GSTA1: variants seen among roughly 807,000 people sequenced by gnomAD.
The protein encoded by GSTA1 is glutathione S-transferase A1.
Under a neutral mutation model 21.5 loss-of-function variants are expected in GSTA1, and 23 were observed. The ratio of observed to expected loss-of-function variants is 1.07; its 90% CI spans 0.77 to 1.52. The LOEUF is 1.52. GSTA1 is among the 40% of genes most tolerant of loss of function. GSTA1 has a pLI of 0.00. For missense variants in GSTA1, 301 were observed against 264.2 expected (o/e 1.14, Z -0.96); for synonymous variants, 125 against 90.0 (o/e 1.39, Z -2.20).
At chr6:52,799,425 G>C in intron 1 of GSTA1, 128 bp from the exon 2 acceptor site, 1 of 626,922 alleles carries the variant, frequency 1.6e-6, no homozygotes, top group Non-Finnish European at 2.7e-6. Flanking sequence ...TGTTGGAGGA[G>C]TTCCTGGAAT....
At chr6:52,800,666 G>A (rs1480313931) in intron 1 of GSTA1, among the ~76,000 whole-genome samples, 1 of 152,282 alleles carries the variant, frequency 6.6e-6, no homozygotes, top group Admixed American at 6.5e-5. Flanking sequence ...ACCAGTGGCT[G>A]CAGGGACAGA....
At chr6:52,801,340 A>G (rs1367393732) in intron 1 of GSTA1, among the ~76,000 whole-genome samples, 1 of 152,210 alleles carries the variant, frequency 6.6e-6, no homozygotes, top group Non-Finnish European at 1.5e-5. Context: ...GTCATGAGAT[A>G]TTTTGACATT....
intron 2 of GSTA1, among the ~76,000 whole-genome samples, chr6:52,798,023 G>A (rs1763630239): frequency 6.6e-6 from 1 of 152,152 alleles, no homozygotes; most frequent in South Asian, 2.1e-4. Flanking sequence ...CCCAGCATGA[G>A]GCATGCCATG....
intron 1 of GSTA1, among the ~76,000 whole-genome samples, chr6:52,803,301 C>A (rs1418755871): frequency 1.3e-5 from 2 of 152,128 alleles, no homozygotes; most frequent in East Asian, 3.8e-4. Context: ...TAATTAGTGG[C>A]AAAGGCTCAA....
At chr6:52,803,249 G>T (rs1334904516) in intron 1 of GSTA1, among the ~76,000 whole-genome samples, 4 of 152,122 alleles carry the variant, frequency 2.6e-5, no homozygotes, top group Non-Finnish European at 5.9e-5. Context: ...TTGGCCATGA[G>T]TTGGTAGAAC....
chr6:52,794,155 T>A lies in GSTA1; in HGVS notation c.384A>T (p.Ile128=), dbSNP rs1763520545. ...CAAAGGCAGGGAAGTAGCGATTTTT[T>A]ATTTTCTCTTTGATCAAGGCAAGCT... is the stretch of plus-strand genomic sequence containing the variant. ...DAKLALIKEK[I]KNRYFPAFEK... Residue 128 remains isoleucine, a synonymous_variant, in exon 5 of 7, where the codon ATA becomes ATT. Transcript: ENST00000334575. 1 of 1,613,994 alleles carries A rather than the reference T, an allele frequency of 6.2e-7. No individual in the cohort carries two copies. The highest frequency in any genetic ancestry group is 1.3e-5 in the African/African-American group (1 of 74,938).
In GSTA1 at chr6:52,794,149, A is replaced by T. The variant is rs770232932; in HGVS notation, c.390T>A (p.Asn130Lys). 1 of 1,613,928 alleles carries T rather than the reference A, an allele frequency of 6.2e-7. No individual in the cohort carries two copies. Among genetic ancestry groups the T allele is most frequent in the Non-Finnish European group, 8.5e-7 (1 of 1,179,892 alleles). ...KLALIKEKIK[N>K]RYFPAFEKVL... ...CTTTTTCAAAGGCAGGGAAGTAGCG[A>T]TTTTTTATTTTCTCTTTGATCAAGG... The change falls in exon 5 of 7, where the codon AAT (asparagine) becomes AAA (lysine). Residue 130 changes from asparagine (N) to lysine (K), a missense_variant. By Grantham distance (94) the Asn-to-Lys change is moderately conservative. Transcript: ENST00000334575.
chr6:52,802,570 A>G (rs1030769712), intron 1 of GSTA1, among the ~76,000 whole-genome samples: 1 of 152,170 alleles, frequency 6.6e-6, no homozygotes, highest in African/African-American at 2.4e-5. Context: ...TAGCCCATGG[A>G]TCCTCTTTCT....
At chr6:52,795,959 A>G (rs906285450) in intron 4 of GSTA1, among the ~76,000 whole-genome samples, 1 of 152,108 alleles carries the variant, frequency 6.6e-6, no homozygotes. Context: ...GAGGTGCTGG[A>G]TCCATGGACT....
At chr6:52,792,752 G>C (rs780668455) in intron 6 of GSTA1, 104 bp downstream of exon 6, 1 of 1,610,478 alleles carries the variant, frequency 6.2e-7, no homozygotes, top group Non-Finnish European at 8.5e-7. Context: ...GGCACTGAAG[G>C]CCTGGAGAAG....
At position 52,797,594 on chromosome 6, in the gene GSTA1, A is replaced by G; in HGVS notation, c.131T>C (p.Leu44Ser). Residue 44 changes from leucine to serine, a missense_variant, in exon 3 of 7, where the codon TTA becomes TCA. Physicochemically the swap from Leu to Ser is moderately radical, Grantham distance 145 (BLOSUM62 -2). Transcript: ENST00000334575. ...TTAGAGATTGATCTTACCATTTCTTAACTTGTCCAAATCTTCTGCAGATTT... is the reference window on the plus strand; with the variant it reads ...TTAGAGATTGATCTTACCATTTCTTGACTTGTCCAAATCTTCTGCAGATTT... ...FIKSAEDLDK[L>S]RNDGYLMFQQ... 1 of 1,607,386 alleles carries G rather than the reference A, an allele frequency of 6.2e-7. No individual in the cohort carries two copies. The highest frequency in any genetic ancestry group is 8.5e-7 in the Non-Finnish European group (1 of 1,174,242).
chr6:52,796,042 G>A (rs1763568234), intron 4 of GSTA1, 140 bp downstream of exon 4: 2 of 1,239,552 alleles, frequency 1.6e-6, no homozygotes. Flanking sequence ...ATGGGACTCT[G>A]CAATACTGGA....
In GSTA1 at chr6:52,792,649, G is replaced by C. The variant is rs146857219; in HGVS notation, c.546+207C>G. The C allele has an allele frequency of 1.6e-3, 2,099 of 1,297,758 alleles. 27 individuals carry two copies. The African/African-American group carries it at 0.028, about 17-fold the overall frequency. The allele number at this position is 1,297,758 out of a possible 1,614,324, so 80.4% of individuals were successfully genotyped here. Reference sequence around the variant, plus strand: ...CATAATAAAGGGCAAAATACTCTTTGTGGGGTAGCATGCAGCACAGATTTC... The same window carrying C: ...CATAATAAAGGGCAAAATACTCTTTCTGGGGTAGCATGCAGCACAGATTTC... On this transcript the variant is annotated intron_variant, in intron 6 of 6. Coordinates refer to ENST00000334575, the MANE Select transcript of GSTA1 (RefSeq NM_145740.5).
intron 2 of GSTA1, 133 bp downstream of exon 2, chr6:52,799,048 C>T (rs914005527): frequency 1.7e-5 from 14 of 828,518 alleles, no homozygotes; most frequent in African/African-American, 1.6e-4. Context: ...ATCTGTTCAT[C>T]TTTTTCTTAA....
chr6:52,793,432 C>T (rs1763505547), intron 5 of GSTA1, among the ~76,000 whole-genome samples: 1 of 152,144 alleles, frequency 6.6e-6, no homozygotes, highest in African/African-American at 2.4e-5. Context: ...GAGACTATTT[C>T]AGAGTCCTCA....
At chr6:52,802,843 C>T (rs1351062351) in intron 1 of GSTA1, among the ~76,000 whole-genome samples, 4 of 152,048 alleles carry the variant, frequency 2.6e-5, no homozygotes, top group African/African-American at 7.2e-5. Context: ...CATATGATGG[C>T]TCTCTGTTTC....
At chr6:52,799,159 G>T (rs551854117) in intron 2 of GSTA1, 22 bp downstream of exon 2, 1 of 1,606,442 alleles carries the variant, frequency 6.2e-7, no homozygotes, top group Admixed American at 1.7e-5. Context: ...TCCAACTTAA[G>T]ATGACCTAAC....
chr6:52,799,166 T>G lies in GSTA1; in HGVS notation c.87+15A>C, dbSNP rs1763652609. The G allele has an allele frequency of 1.2e-6, 2 of 1,611,144 alleles. No individual in the cohort carries two copies. Among genetic ancestry groups the G allele is most frequent in the Non-Finnish European group, 1.7e-6 (2 of 1,177,642 alleles). On this transcript the variant is annotated intron_variant, in intron 2 of 6. Transcript: ENST00000334575. ...ATTTTAAATCCAACTTAAGATGACC[T>G]AACTCAGAACCTACCTCTACTCCAG...
intron 3 of GSTA1, among the ~76,000 whole-genome samples, 187 bp from the exon 4 acceptor site, chr6:52,796,501 G>A (rs1422270075): frequency 3.6e-4 from 1 of 2,744 alleles, no homozygotes; most frequent in African/African-American, 1.4e-3. Context: ...GTGTGTGTGT[G>A]TGTGTGTGTG....
Sources: gnomAD v4.1 joint callset for allele counts (sites outside exome capture counted in the v4.1 genomes callset) on GRCh38, gnomAD v4.1.1 for gene constraint, MANE v1.5 for transcripts, NCBI Gene and HGNC (gene_info 2026-07-23, HGNC 2026-07-21) for gene names.